Variants in MAST4 observed in about 807,000 individuals in gnomAD.
The protein encoded by MAST4 is microtubule associated serine/threonine kinase family member 4, also known as microtubule-associated serine/threonine-protein kinase 4.
A neutral mutation model predicts 162.7 loss-of-function variants in MAST4; 89 were observed. The observed-to-expected ratio is 0.55, with a 90% confidence interval of 0.46 to 0.65. The LOEUF (loss-of-function observed/expected upper bound fraction) is 0.65, where lower values mean the gene tolerates loss of function less well. Among genes scored for constraint, MAST4 ranks in the 30% least tolerant of loss-of-function variants. The pLI is 0.00. For synonymous variants in MAST4, 1,479 were observed against 1,361.1 expected (o/e 1.09, Z -1.91); for missense variants, 3,153 against 3,374.0 (o/e 0.93, Z 1.62).
chr5:66,849,737 G>T (rs749661279), intron 3 of MAST4, among the ~76,000 whole-genome samples: 1 of 152,018 alleles, frequency 6.6e-6, no homozygotes, highest in Non-Finnish European at 1.5e-5. Context: ...CCCAATACAT[G>T]GTCAATAAAT....
chr5:66,849,639 T>TG (rs1333763372), intron 3 of MAST4, among the ~76,000 whole-genome samples: 1 of 152,196 alleles, frequency 6.6e-6, no homozygotes, highest in African/African-American at 2.4e-5. Flanking sequence ...GGTGAGAATC[T>TG]GTGGAACTGC....
intron 5 of MAST4, among the ~76,000 whole-genome samples, chr5:67,073,003 C>G (rs1181343587): frequency 6.6e-6 from 1 of 152,198 alleles, no homozygotes; most frequent in Non-Finnish European, 1.5e-5. Context: ...TTCAATTAGA[C>G]TTTTCATGAG....
chr5:66,726,108 G>A (rs1183511641), intron 1 of MAST4, among the ~76,000 whole-genome samples: 2 of 151,992 alleles, frequency 1.3e-5, no homozygotes, highest in Non-Finnish European at 2.9e-5. Context: ...ACCAATGGAG[G>A]GAGCTAGGAA....
intron 1 of MAST4, among the ~76,000 whole-genome samples, chr5:66,686,640 G>A (rs1748678022): frequency 6.6e-6 from 1 of 152,170 alleles, no homozygotes. Context: ...GGATTGGATT[G>A]CTTCCTCATT....
intron 4 of MAST4, among the ~76,000 whole-genome samples, chr5:66,937,319 C>T (rs754423175): frequency 6.6e-6 from 1 of 152,186 alleles, no homozygotes; most frequent in Non-Finnish European, 1.5e-5. Flanking sequence ...AGTGCACGCT[C>T]ATATGTACTG....
At chr5:67,005,415 T>C (rs1025893888) in intron 4 of MAST4, among the ~76,000 whole-genome samples, 1 of 152,232 alleles carries the variant, frequency 6.6e-6, no homozygotes, top group Admixed American at 6.5e-5. Context: ...ATCATGTTTA[T>C]CCATTTCATT....
chr5:67,037,951 A>G (rs1405076708), intron 4 of MAST4, among the ~76,000 whole-genome samples: 2 of 152,170 alleles, frequency 1.3e-5, no homozygotes, highest in Non-Finnish European at 2.9e-5. Context: ...TAATCCAAAA[A>G]AAAATTTCAT....
intron 16 of MAST4, among the ~76,000 whole-genome samples, chr5:67,132,443 A>G (rs904033384): frequency 6.6e-6 from 1 of 152,146 alleles, no homozygotes; most frequent in Non-Finnish European, 1.5e-5. Context: ...AAATGTGACA[A>G]TAGCTTCATA....
At chr5:66,988,991 C>T (rs1055060290) in intron 4 of MAST4, among the ~76,000 whole-genome samples, 16 of 152,058 alleles carry the variant, frequency 1.1e-4, no homozygotes, top group African/African-American at 3.1e-4. Flanking sequence ...CTCACAAAAA[C>T]GTATTTGAAA....
intron 1 of MAST4, among the ~76,000 whole-genome samples, chr5:66,702,652 G>T (rs2149512870): frequency 6.6e-6 from 1 of 152,254 alleles, no homozygotes; most frequent in South Asian, 2.1e-4. Context: ...CCCTGAGGCA[G>T]GACTGTGTTT....
In MAST4 at chr5:67,163,998, C is replaced by T; in HGVS notation, c.4819C>T (p.Leu1607Phe). ...GCTGGGCAGCCTGCTGAAGGATGCT[C>T]TTCACAAGCAGGCCAGCGTGCGCGC... ...PPLGSLLKDALHKQASVRASE... is the reference protein window; with the variant it reads ...PPLGSLLKDAFHKQASVRASE... The change falls in exon 29 of 29, where the codon CTT (leucine) becomes TTT (phenylalanine). Residue 1607 changes from leucine to phenylalanine, a missense_variant. This residue lies in a region of MAST4 where 1,644 missense variants were observed against 1,495.0 expected (regional missense o/e 1.10). Coordinates refer to ENST00000403625, the MANE Select transcript of MAST4 (RefSeq NM_001164664.2). The surrounding 1 kb of genome is among the most constrained non-coding windows in gnomAD (Gnocchi z 7.0). 3 of 1,602,864 alleles carry T rather than the reference C, an allele frequency of 1.9e-6. No homozygotes were observed.
At chr5:66,681,189 A>G (rs1158759801) in intron 1 of MAST4, among the ~76,000 whole-genome samples, 1 of 152,248 alleles carries the variant, frequency 6.6e-6, no homozygotes, top group Non-Finnish European at 1.5e-5. Flanking sequence ...TCACAGTGAC[A>G]GTGTTTCAGA....
rs1278993482 is a variant in MAST4 at position 67,033,174 on chromosome 5, T to TA, written c.675-21218dup. Among the ~76,000 whole-genome samples, 670 of 142,308 alleles carry TA rather than the reference T, an allele frequency of 4.7e-3. 4 individuals are homozygous for TA. The highest frequency in any genetic ancestry group is 0.014 in the African/African-American group (549 of 39,130). The allele number at this position is 142,308 out of a possible 152,430, so 93.4% of individuals were successfully genotyped here. On this transcript the variant is annotated intron_variant, in intron 4 of 28. Coordinates refer to ENST00000403625, the MANE Select transcript of MAST4 (RefSeq NM_001164664.2). ...GTTCTTACTGTGAACATCTAACCCT[T>TA]AAAAAAAAAAAAGAAAGAAAAACAC...
At chr5:66,799,214 T>C (rs538253707) in intron 3 of MAST4, among the ~76,000 whole-genome samples, 7 of 152,330 alleles carry the variant, frequency 4.6e-5, no homozygotes, top group African/African-American at 1.7e-4. Flanking sequence ...AAAACTCTTC[T>C]CTATGTAACT....
chr5:66,630,393 G>T (rs1744717003), intron 1 of MAST4, among the ~76,000 whole-genome samples: 1 of 152,098 alleles, frequency 6.6e-6, no homozygotes, highest in African/African-American at 2.4e-5. Context: ...AATACAATGG[G>T]GAATAGTTAT....
chr5:66,626,708 T>C (rs1188246935), intron 1 of MAST4, among the ~76,000 whole-genome samples: 1 of 152,252 alleles, frequency 6.6e-6, no homozygotes, highest in Non-Finnish European at 1.5e-5. Context: ...GAGAGTTATA[T>C]GTCAGTGCTG....
At chr5:66,861,212 G>A (rs1267569523) in intron 3 of MAST4, among the ~76,000 whole-genome samples, 1 of 152,202 alleles carries the variant, frequency 6.6e-6, no homozygotes, top group Non-Finnish European at 1.5e-5. Flanking sequence ...CTGGGCTCTA[G>A]TGCTTTCATT....
At chr5:67,077,766 A>G (rs1414412259) in intron 5 of MAST4, among the ~76,000 whole-genome samples, 1 of 152,228 alleles carries the variant, frequency 6.6e-6, no homozygotes, top group Non-Finnish European at 1.5e-5. Context: ...ATAAGAAATA[A>G]GCCCCATATA....
intron 19 of MAST4, among the ~76,000 whole-genome samples, chr5:67,137,068 C>T (rs551140637): frequency 6.6e-6 from 1 of 152,256 alleles, no homozygotes; most frequent in South Asian, 2.1e-4. Context: ...AAATATACAT[C>T]CCCATACGGA....
Sources: allele counts gnomAD v4.1 joint callset (sites outside exome capture counted in the v4.1 genomes callset), GRCh38; gene constraint gnomAD v4.1.1; regional missense constraint gnomAD v4.1.1; non-coding constraint Gnocchi (gnomAD v3.1); transcripts MANE v1.5; gene names NCBI Gene and HGNC (gene_info 2026-07-23, HGNC 2026-07-21).